VANGL1: variants seen among roughly 807,000 people sequenced by gnomAD.
The protein encoded by VANGL1 is vang-like protein 1.
A neutral mutation model predicts 48.4 loss-of-function variants in VANGL1; 18 were observed. That is an observed-to-expected ratio of 0.37 (90% CI 0.26 to 0.55). VANGL1 has a LOEUF of 0.55. VANGL1 is among the 20% of genes least tolerant of loss of function. The probability of loss-of-function intolerance (pLI) is 0.81; values close to 1 mark genes in which losing one functional copy is unlikely to be tolerated. For synonymous variants in VANGL1, 257 were observed against 261.8 expected (o/e 0.98, Z 0.18); for missense variants, 667 against 675.8 (o/e 0.99, Z 0.14).
rs552779529 is a variant in VANGL1, at chr1:115,668,089, G to A, written c.812+3821G>A. Among the ~76,000 whole-genome samples, 7 of 152,302 alleles carry A rather than the reference G, an allele frequency of 4.6e-5. No homozygotes were observed. In the South Asian group the frequency reaches 1.2e-3, roughly 27 times the overall value. On this transcript the variant is annotated intron_variant, in intron 4 of 7. Transcript: ENST00000355485. Reference sequence around the variant, plus strand: ...AGCCTCCTTTTCAGATGAGCAAACCGAGGCGTGGGAGAGTTAGGTAAGTCT... The same window carrying A: ...AGCCTCCTTTTCAGATGAGCAAACCAAGGCGTGGGAGAGTTAGGTAAGTCT...
rs1553190235 is a variant in VANGL1, at chr1:115,687,986, A to ATAGG, written c.1314+2462_1314+2463insGTAG. Among the ~76,000 whole-genome samples the ATAGG allele has an allele frequency of 4.2e-4, 56 of 134,232 alleles. 13 individuals carry two copies. Among genetic ancestry groups the ATAGG allele is most frequent in the Non-Finnish European group, 6.9e-4 (43 of 62,204 alleles). 88.1% of individuals were successfully genotyped at this position (134,232 alleles called of 152,430 possible). A position where few individuals can be genotyped will look rare whatever the true frequency, so the allele number is the denominator to read the frequency against. ...GATAGATAGATAGATAGATAGATAG[A>ATAGG]TAGACACATAGATAGATACATAGAT... is the stretch of plus-strand genomic sequence containing the variant. On this transcript the variant is annotated intron_variant, in intron 7 of 7. Coordinates refer to ENST00000355485, the MANE Select transcript of VANGL1 (RefSeq NM_138959.3).
chr1:115,645,007 C>A (rs1434221410), intron 1 of VANGL1, among the ~76,000 whole-genome samples: 1 of 152,170 alleles, frequency 6.6e-6, no homozygotes, highest in Non-Finnish European at 1.5e-5. Flanking sequence ...CCCAGCAGAT[C>A]CTCACATCAG....
chr1:115,682,642 G>A (rs1238360306), intron 5 of VANGL1, 145 bp downstream of exon 5: 37 of 1,270,446 alleles, frequency 2.9e-5, no homozygotes, highest in Non-Finnish European at 3.7e-5. Context: ...TCTTTTTTAT[G>A]TAGGCAGACA....
rs1653872505 is a variant in VANGL1 at position 115,692,310 on chromosome 1, C to G, written c.*931C>G. 1 of 152,750 alleles carries G rather than the reference C, an allele frequency of 6.5e-6. No homozygotes were observed. The highest frequency in any genetic ancestry group is 6.5e-5 in the Admixed American group (1 of 15,284). 9.5% of individuals were successfully genotyped at this position (152,750 alleles called of 1,614,324 possible). A position where few individuals can be genotyped will look rare whatever the true frequency, so the allele number is the denominator to read the frequency against. The stretch of plus-strand genomic sequence containing the variant: ...ACTGTTCTACACCAACCAGGGGAGA[C>G]TAACACTGTGACTCTGGGATTGGCA... On this transcript the variant is annotated 3_prime_UTR_variant, in exon 8 of 8. Transcript: ENST00000355485.
At chr1:115,663,624 C>G in intron 3 of VANGL1, 37 bp from the exon 4 acceptor site, 1 of 1,613,882 alleles carries the variant, frequency 6.2e-7, no homozygotes, top group Non-Finnish European at 8.5e-7. Flanking sequence ...TACAAATGAC[C>G]TGTGTCATGT....
At chr1:115,643,975 A>T (rs1651824269) in intron 1 of VANGL1, among the ~76,000 whole-genome samples, 1 of 152,092 alleles carries the variant, frequency 6.6e-6, no homozygotes, top group African/African-American at 2.4e-5. Flanking sequence ...TGGGAGTTAG[A>T]ACTATTTTAG....
chr1:115,663,089 A>T (rs1310040440), intron 3 of VANGL1, among the ~76,000 whole-genome samples: 1 of 152,120 alleles, frequency 6.6e-6, no homozygotes, highest in African/African-American at 2.4e-5. Flanking sequence ...CCCAGTCCAT[A>T]AAGAGATTTT....
chr1:115,661,044 C>T (rs1030418369), intron 3 of VANGL1, among the ~76,000 whole-genome samples: 20 of 152,238 alleles, frequency 1.3e-4, no homozygotes, highest in South Asian at 8.3e-4. Flanking sequence ...CTCTGCACCT[C>T]GTAGCTGAGA....
chr1:115,665,606 C>T (rs963683803), intron 4 of VANGL1, among the ~76,000 whole-genome samples: 4 of 152,176 alleles, frequency 2.6e-5, no homozygotes, highest in Admixed American at 1.3e-4. Flanking sequence ...GCTTGTGCTA[C>T]GAGAACGGGA....
chr1:115,674,638 T>C (rs1173686322), intron 4 of VANGL1, among the ~76,000 whole-genome samples: 7 of 152,182 alleles, frequency 4.6e-5, no homozygotes, highest in African/African-American at 1.7e-4. Flanking sequence ...CAAGAAGTAC[T>C]TTGACATTTT....
rs77773006 is a variant in VANGL1, at chr1:115,644,460, T to C, written c.-138+2374T>C. 9.9e-3 allele frequency among the ~76,000 whole-genome samples: 1,510 copies of C among 152,342 alleles called. 27 individuals are homozygous for C. The highest frequency in any genetic ancestry group is 0.035 in the African/African-American group (1,437 of 41,584). ...TGGGCATCATGCTATTCTATTTTCCTTAAGATGGAAAAGATTAGGTGGGCT... is the reference window on the plus strand; with the variant it reads ...TGGGCATCATGCTATTCTATTTTCCCTAAGATGGAAAAGATTAGGTGGGCT... On this transcript the variant is annotated intron_variant, in intron 1 of 7. Transcript: ENST00000355485.
chr1:115,650,140 T>G (rs1032698016), intron 1 of VANGL1, among the ~76,000 whole-genome samples: 1 of 152,200 alleles, frequency 6.6e-6, no homozygotes, highest in East Asian at 1.9e-4. Context: ...TCCAGACTTA[T>G]GTGTTGTTGC....
chr1:115,657,998 G>A (rs1187141789), intron 2 of VANGL1, among the ~76,000 whole-genome samples: 1 of 152,184 alleles, frequency 6.6e-6, no homozygotes, highest in Non-Finnish European at 1.5e-5. Flanking sequence ...GCCATGAGGG[G>A]TCTGTCCCCA....
chr1:115,679,497 A>G (rs1179948154), intron 4 of VANGL1, among the ~76,000 whole-genome samples: 1 of 152,178 alleles, frequency 6.6e-6, no homozygotes, highest in Non-Finnish European at 1.5e-5. Context: ...GCATCTGCTG[A>G]GGCCCCGTGC....
At chr1:115,661,878 A>C (rs1652571215) in intron 3 of VANGL1, among the ~76,000 whole-genome samples, 1 of 152,192 alleles carries the variant, frequency 6.6e-6, no homozygotes, top group Admixed American at 6.5e-5. Flanking sequence ...TTGGCCTCCC[A>C]AAGTGCTAGG....
In VANGL1 at chr1:115,696,387, T is replaced by G. The variant is rs117347999; in HGVS notation, c.*5008T>G. On this transcript the variant is annotated 3_prime_UTR_variant, in exon 8 of 8. Transcript: ENST00000355485. ...TGCATCCCACCGTCTTTCTCACACTTGCCCCCAAGACTTTTGACAGAGCAG... is the reference window on the plus strand; with the variant it reads ...TGCATCCCACCGTCTTTCTCACACTGGCCCCCAAGACTTTTGACAGAGCAG... The G allele has an allele frequency of 6.6e-6, 1 of 152,264 alleles. No homozygotes were observed. The highest frequency in any genetic ancestry group is 1.5e-5 in the Non-Finnish European group (1 of 68,064). 9.4% of individuals were successfully genotyped at this position (152,264 alleles called of 1,614,324 possible). A position where few individuals can be genotyped will look rare whatever the true frequency, so the allele number is the denominator to read the frequency against.
At position 115,691,160 on chromosome 1, in the gene VANGL1, A is replaced by G. The variant is rs1288582316; in HGVS notation, c.1356A>G (p.Gln452=). ...ACCTCAGTGCGGGCCCCACCCTGCA[A>G]TATGACAAGGACCGCTGGCTCTCTA... The part of the protein sequence containing the change: ...ERYLSAGPTL[Q]YDKDRWLSTQ... The change falls in exon 8 of 8, where the codon CAA becomes CAG. Residue 452 remains glutamine (Q), a synonymous_variant. Transcript: ENST00000355485. The G allele has an allele frequency of 1.2e-6, 2 of 1,614,172 alleles. No individual in the cohort carries two copies. The highest frequency in any genetic ancestry group is 1.7e-6 in the Non-Finnish European group (2 of 1,180,028).
At chr1:115,665,568 G>A (rs1414818906) in intron 4 of VANGL1, among the ~76,000 whole-genome samples, 1 of 152,240 alleles carries the variant, frequency 6.6e-6, no homozygotes, top group Non-Finnish European at 1.5e-5. Flanking sequence ...TCATGTTGGT[G>A]TGTACCCTCC....
rs770589524 is a variant in VANGL1 at position 115,684,055 on chromosome 1, G to A, written c.1058G>A (p.Arg353Gln). 1.7e-5 allele frequency: 27 copies of A among 1,613,788 alleles called. No individual in the cohort carries two copies. Among genetic ancestry groups the A allele is most frequent in the African/African-American group, 1.6e-4 (12 of 74,904 alleles). The part of the protein sequence containing the change: ...LYYEEAEHER[R>Q]VKKRKARLVV... ...TATGAAGAGGCCGAACATGAACGGCGAGTAAAGAAGCGGAAAGCAAGGTAT... is the reference window on the plus strand; with the variant it reads ...TATGAAGAGGCCGAACATGAACGGCAAGTAAAGAAGCGGAAAGCAAGGTAT... The change falls in exon 6 of 8, where the codon CGA (arginine) becomes CAA (glutamine). Residue 353 changes from arginine (R) to glutamine (Q), a missense_variant. Transcript: ENST00000355485.
Sources: gnomAD v4.1 joint callset for allele counts (sites outside exome capture counted in the v4.1 genomes callset) on GRCh38, gnomAD v4.1.1 for gene constraint, MANE v1.5 for transcripts, NCBI Gene and HGNC (gene_info 2026-07-23, HGNC 2026-07-21) for gene names.